PRKAA1: variants seen among roughly 807,000 people sequenced by gnomAD.
The protein encoded by PRKAA1 is protein kinase AMP-activated catalytic subunit alpha 1.
In PRKAA1, 23 loss-of-function variants were observed where a neutral mutation model predicts 56.9. That is an observed-to-expected ratio of 0.40 (90% CI 0.29 to 0.57). The LOEUF (loss-of-function observed/expected upper bound fraction) is 0.57. Ranked by LOEUF, PRKAA1 falls within the 20% of genes least tolerant of loss-of-function variation. The pLI is 0.39. For synonymous variants in PRKAA1, 226 were observed against 227.0 expected (o/e 1.00, Z 0.04); for missense variants, 413 against 679.7 (o/e 0.61, Z 4.36).
intron 6 of PRKAA1, among the ~76,000 whole-genome samples, chr5:40,765,689 CTCA>C (rs1007427151): frequency 1.3e-5 from 2 of 152,046 alleles, no homozygotes; most frequent in Non-Finnish European, 2.9e-5. Context: ...ACTATCTCCC[CTCA>C]TCATCGAAAC....
intron 1 of PRKAA1, among the ~76,000 whole-genome samples, chr5:40,782,455 T>C (rs895354532): frequency 2.0e-5 from 3 of 151,918 alleles, no homozygotes; most frequent in African/African-American, 7.3e-5. Context: ...CCTGTAATGA[T>C]GACAAAAATA....
chr5:40,767,776 A>G lies in PRKAA1; in HGVS notation c.597-86T>C. On this transcript the variant is annotated intron_variant, in intron 5 of 8. Coordinates refer to ENST00000397128, the MANE Select transcript of PRKAA1 (RefSeq NM_006251.6). ...AAAACTTCAAATATGGATATTTCAT[A>G]AAGAATTCTTAAGCAGAATATGGTT... is the stretch of plus-strand genomic sequence containing the variant. The G allele has an allele frequency of 5.2e-6, 6 of 1,152,102 alleles. No individual in the cohort carries two copies. The South Asian group carries it at 7.6e-5, about 15-fold the overall frequency. The allele number at this position is 1,152,102 out of a possible 1,614,324, so 71.4% of individuals were successfully genotyped here. A position where few individuals can be genotyped will look rare whatever the true frequency, so the allele number is the denominator to read the frequency against.
chr5:40,793,710 T>C (rs567293594), intron 1 of PRKAA1, among the ~76,000 whole-genome samples: 1 of 152,328 alleles, frequency 6.6e-6, no homozygotes, highest in African/African-American at 2.4e-5. Context: ...CATTTCTGTG[T>C]GTTCACTGAG....
At chr5:40,768,204 C>G (rs1329028326) in intron 5 of PRKAA1, among the ~76,000 whole-genome samples, 5 of 152,148 alleles carry the variant, frequency 3.3e-5, no homozygotes, top group African/African-American at 9.7e-5. Context: ...TAGCTGCAGA[C>G]TAGTTAGATC....
At chr5:40,763,045 T>C (rs1393073171) in intron 8 of PRKAA1, 23 bp from the exon 9 acceptor site, 6 of 1,612,116 alleles carry the variant, frequency 3.7e-6, no homozygotes, top group Non-Finnish European at 5.1e-6. Flanking sequence ...AATTTCAATT[T>C]ATTATAGTCT....
chr5:40,777,609 A>C, intron 1 of PRKAA1, 23 bp from the exon 2 acceptor site: 1 of 1,572,490 alleles, frequency 6.4e-7, no homozygotes, highest in Non-Finnish European at 8.7e-7. Context: ...TAATTTAATA[A>C]ATTAGTACTA....
rs1023108793 is a variant in PRKAA1 at position 40,769,808 on chromosome 5, G to A, written c.509-305C>T. Among the ~76,000 whole-genome samples the A allele has an allele frequency of 2.9e-5, 4 of 139,674 alleles. 1 individual carries two copies. The highest frequency in any genetic ancestry group is 5.4e-5 in the African/African-American group (2 of 37,356). 91.6% of individuals were successfully genotyped at this position (139,674 alleles called of 152,430 possible). On this transcript the variant is annotated intron_variant, in intron 4 of 8. Coordinates refer to ENST00000397128, the MANE Select transcript of PRKAA1 (RefSeq NM_006251.6). ...TTTTATTAATACAGAAATCACTAGG[G>A]AAAATAATCTATAACAGATGAATAG...
Position 40,759,798 on chromosome 5 carries a change from T to G in PRKAA1, c.*2980A>C, listed in dbSNP as rs1429353458. 1.3e-5 allele frequency: 2 copies of G among 152,232 alleles called. No homozygotes were observed. 9.4% of individuals were successfully genotyped at this position (152,232 alleles called of 1,614,324 possible). A position where few individuals can be genotyped will look rare whatever the true frequency, so the allele number is the denominator to read the frequency against. ...AAAATCATCTAAAACTCTGAAAAAC[T>G]ACAAAAGCATCTCAAGAAAAAAATT... On this transcript the variant is annotated 3_prime_UTR_variant, in exon 9 of 9. Transcript: ENST00000397128.
intron 5 of PRKAA1, among the ~76,000 whole-genome samples, chr5:40,768,215 ACC>A (rs1743560207): frequency 6.6e-6 from 1 of 152,198 alleles, no homozygotes; most frequent in East Asian, 1.9e-4. Context: ...TAGTTAGATC[ACC>A]CATTCAAAGC....
chr5:40,789,348 C>CA (rs1405224485), intron 1 of PRKAA1, among the ~76,000 whole-genome samples: 1 of 152,122 alleles, frequency 6.6e-6, no homozygotes, highest in African/African-American at 2.4e-5. Flanking sequence ...TGGCTATTAT[C>CA]AAAAAGGTGA....
Position 40,798,203 on chromosome 5 carries a change from G to A in PRKAA1, c.-14C>T. On this transcript the variant is annotated 5_prime_UTR_variant, in exon 1 of 9. Transcript: ENST00000397128. ...GAGTCTGCGCATGGCGCTGCGGGAG[G>A]GGGCGGAGGGGGCGGGCAGGGCCGC... 3.1e-6 allele frequency: 3 copies of A among 961,692 alleles called. No individual in the cohort carries two copies. The highest frequency in any genetic ancestry group is 4.6e-6 in the Non-Finnish European group (3 of 648,832). 59.6% of individuals were successfully genotyped at this position (961,692 alleles called of 1,614,324 possible).
intron 1 of PRKAA1, among the ~76,000 whole-genome samples, chr5:40,797,138 A>T (rs539751498): frequency 6.6e-6 from 1 of 152,226 alleles, no homozygotes; most frequent in African/African-American, 2.4e-5. Flanking sequence ...TTTTGGTTAC[A>T]TAGATGAACT....
chr5:40,776,632 G>C (rs1425816940), intron 2 of PRKAA1, among the ~76,000 whole-genome samples: 1 of 152,216 alleles, frequency 6.6e-6, no homozygotes, highest in Non-Finnish European at 1.5e-5. Flanking sequence ...AGCAGAAGCT[G>C]AGCAGGAAAT....
chr5:40,780,353 G>A (rs1424015760), intron 1 of PRKAA1, among the ~76,000 whole-genome samples: 1 of 152,144 alleles, frequency 6.6e-6, no homozygotes, highest in Non-Finnish European at 1.5e-5. Flanking sequence ...AAGGAATACA[G>A]TAAGAAGGAA....
At chr5:40,768,551 T>A in intron 5 of PRKAA1, 1 of 996,932 alleles carries the variant, frequency 1.0e-6, no homozygotes, top group Non-Finnish European at 1.2e-6. Flanking sequence ...AGATGAAACT[T>A]GACAAATCTA....
chr5:40,765,101 C>T lies in PRKAA1; in HGVS notation c.959G>A (p.Ser320Asn). 6.2e-7 allele frequency: 1 copy of T among 1,614,204 alleles called. No individual in the cohort carries two copies. Residue 320 changes from serine to asparagine, a missense_variant, in exon 7 of 9, where the codon AGC (serine) becomes AAC (asparagine). By Grantham distance (46) the Ser-to-Asn change is conservative. Coordinates refer to ENST00000397128, the MANE Select transcript of PRKAA1 (RefSeq NM_006251.6). ...CTGGTGATTTCTGTTGTAAAGACAGCTGAGAACTTCCTCTTCTGAGCACTC... is the reference window on the plus strand; with the variant it reads ...CTGGTGATTTCTGTTGTAAAGACAGTTGAGAACTTCCTCTTCTGAGCACTC... ...KFECSEEEVL[S>N]CLYNRNHQDP...
At chr5:40,777,339 G>A in intron 2 of PRKAA1, 106 bp downstream of exon 2, 1 of 1,310,842 alleles carries the variant, frequency 7.6e-7, no homozygotes, top group African/African-American at 1.5e-5. Context: ...AAAACCCTTA[G>A]GAAACAAAAA....
intron 5 of PRKAA1, chr5:40,768,486 A>T (rs560038833): frequency 1.1e-6 from 1 of 933,408 alleles, no homozygotes; most frequent in African/African-American, 1.8e-5. Flanking sequence ...AGACAACACC[A>T]TTTTTTTAAA....
In PRKAA1 at chr5:40,764,733, A is replaced by C; in HGVS notation, c.1308+19T>G. ...GTTTGCCAAATATGCTAATAATCAAAATGTTATTTCTTTCTTACCTTCCAT... is the reference window on the plus strand; with the variant it reads ...GTTTGCCAAATATGCTAATAATCAACATGTTATTTCTTTCTTACCTTCCAT... On this transcript the variant is annotated intron_variant, in intron 7 of 8. Transcript: ENST00000397128. 3 of 1,604,372 alleles carry C rather than the reference A, an allele frequency of 1.9e-6. No individual in the cohort carries two copies. The highest frequency in any genetic ancestry group is 2.6e-6 in the Non-Finnish European group (3 of 1,173,426).
Sources: gnomAD v4.1 joint callset for allele counts (sites outside exome capture counted in the v4.1 genomes callset) on GRCh38, gnomAD v4.1.1 for gene constraint, MANE v1.5 for transcripts, NCBI Gene and HGNC (gene_info 2026-07-23, HGNC 2026-07-21) for gene names.